Variants in SLC38A4 observed in about 807,000 individuals in gnomAD.
The protein encoded by SLC38A4 is solute carrier family 38 member 4.
In SLC38A4, 20 loss-of-function variants were observed where a neutral mutation model predicts 63.1. The ratio of observed to expected loss-of-function variants is 0.32; its 90% CI spans 0.22 to 0.46. SLC38A4 has a LOEUF of 0.46. Among genes scored for constraint, SLC38A4 ranks in the 20% least tolerant of loss-of-function variants. The probability of loss-of-function intolerance (pLI) is 1.00; values close to 1 mark genes in which losing one functional copy is unlikely to be tolerated. For synonymous variants in SLC38A4, 230 were observed against 225.5 expected, an observed-to-expected ratio of 1.02 and a Z score of -0.18; for missense variants, 526 against 663.6, an observed-to-expected ratio of 0.79 and a Z score of 2.28.
intron 2 of SLC38A4, among the ~76,000 whole-genome samples, chr12:46,794,410 C>T (rs572037880): frequency 2.6e-5 from 4 of 152,010 alleles, no homozygotes; most frequent in African/African-American, 7.2e-5. Flanking sequence ...GGGACTTTTA[C>T]ATTAAATTAA....
chr12:46,793,013 C>A lies in SLC38A4; in HGVS notation c.59G>T (p.Gly20Val). Reference protein sequence around the residue: ...NIEPDDESSSGESAPDSYIGI... With the variant: ...NIEPDDESSSVESAPDSYIGI... ...GATGTAGCTATCTGGAGCACTTTCT[C>A]CACTGCTGCTCTCATCATCTGGTTC... is the stretch of plus-strand genomic sequence containing the variant. Residue 20 changes from glycine (G) to valine (V), a missense_variant, in exon 3 of 17, where the codon GGA becomes GTA. Coordinates refer to ENST00000266579, the MANE Select transcript of SLC38A4 (RefSeq NM_018018.5). 6.2e-7 allele frequency: 1 copy of A among 1,613,396 alleles called. No homozygotes were observed. The highest frequency in any genetic ancestry group is 8.5e-7 in the Non-Finnish European group (1 of 1,179,516).
At position 46,804,862 on chromosome 12, in the gene SLC38A4, C is replaced by T. The variant is rs376621636; in HGVS notation, c.-304-1068G>A. 1.1e-4 allele frequency among the ~76,000 whole-genome samples: 17 copies of T among 151,876 alleles called. No homozygotes were observed. The East Asian group carries it at 1.5e-3, about 14-fold the overall frequency. The stretch of plus-strand genomic sequence containing the variant: ...ATAATAACAAATGTACTAATTTTAA[C>T]GGTAGGGAAATCTCAAAAAAATTCC... On this transcript the variant is annotated intron_variant, in intron 1 of 16. Transcript: ENST00000266579.
chr12:46,767,263 T>C (rs996965188), intron 16 of SLC38A4, among the ~76,000 whole-genome samples: 10 of 151,930 alleles, frequency 6.6e-5, no homozygotes, highest in African/African-American at 2.4e-4. Flanking sequence ...TGTGCATACA[T>C]ATAATATACA....
In SLC38A4 at chr12:46,781,491, CA is replaced by C. The variant is rs1231329479; in HGVS notation, c.494-1462del. Among the ~76,000 whole-genome samples the C allele has an allele frequency of 2.6e-5, 4 of 152,104 alleles. No homozygotes were observed. In the South Asian group the frequency reaches 8.3e-4, roughly 32 times the overall value. On this transcript the variant is annotated intron_variant, in intron 7 of 16. Transcript: ENST00000266579. ...TTAACATGTTTGGTCTTCAAAAATT[CA>C]GAATGATCCAGACATTAATCTGTTA...
intron 3 of SLC38A4, among the ~76,000 whole-genome samples, chr12:46,791,031 C>T (rs1414979545): frequency 1.3e-5 from 2 of 152,126 alleles, no homozygotes; most frequent in Non-Finnish European, 2.9e-5. Flanking sequence ...CATTCATGCT[C>T]TTTCTACTCT....
At position 46,788,630 on chromosome 12, in the gene SLC38A4, C is replaced by A. The variant is rs772010815; in HGVS notation, c.120-12G>T. 5.0e-6 allele frequency: 8 copies of A among 1,603,220 alleles called. No individual in the cohort carries two copies. In the Admixed American group the frequency reaches 6.7e-5, roughly 13 times the overall value. ...CATTAGCAAATTGACTGAACACACA[C>A]ACACACAAATAAGAAAGTGAAAACA... On this transcript the variant is annotated splice_polypyrimidine_tract_variant and intron_variant, in intron 3 of 16. Transcript: ENST00000266579.
intron 1 of SLC38A4, among the ~76,000 whole-genome samples, chr12:46,804,323 T>TA (rs201866743): frequency 5.4e-4 from 81 of 149,206 alleles, no homozygotes; most frequent in Non-Finnish European, 7.6e-4. Flanking sequence ...TTTTCTGCAT[T>TA]AAAAAAAAAA....
rs3794308 is a variant in SLC38A4 at position 46,781,499 on chromosome 12, T to C, written c.494-1469A>G. On this transcript the variant is annotated intron_variant, in intron 7 of 16. Transcript: ENST00000266579. ...TTTGGTCTTCAAAAATTCAGAATGATCCAGACATTAATCTGTTAATGTGAA... is the reference window on the plus strand; with the variant it reads ...TTTGGTCTTCAAAAATTCAGAATGACCCAGACATTAATCTGTTAATGTGAA... Among the ~76,000 whole-genome samples the C allele has an allele frequency of 0.011, 1,745 of 152,162 alleles. 48 individuals are homozygous for C. The East Asian group carries it at 0.13, about 11-fold the overall frequency.
intron 13 of SLC38A4, 69 bp downstream of exon 13, chr12:46,776,835 T>C: frequency 4.4e-6 from 6 of 1,365,954 alleles, no homozygotes; most frequent in Non-Finnish European, 6.3e-6. Flanking sequence ...TTAAAAATCA[T>C]ACCTACCCAG....
chr12:46,775,758 T>C (rs1206278952), intron 13 of SLC38A4, among the ~76,000 whole-genome samples: 1 of 152,010 alleles, frequency 6.6e-6, no homozygotes, highest in African/African-American at 2.4e-5. Flanking sequence ...TTAGTATAAT[T>C]TTTAGATGGT....
intron 2 of SLC38A4, among the ~76,000 whole-genome samples, chr12:46,801,384 G>A (rs1255039325): frequency 6.6e-6 from 1 of 152,018 alleles, no homozygotes; most frequent in Non-Finnish European, 1.5e-5. Context: ...CATCAAGTCT[G>A]GAAAGCAAAA....
chr12:46,822,697 G>T (rs1256012323), intron 1 of SLC38A4, among the ~76,000 whole-genome samples: 2 of 152,162 alleles, frequency 1.3e-5, no homozygotes, highest in African/African-American at 4.8e-5. Flanking sequence ...AGAGACAGAA[G>T]AGTGGATTCC....
intron 1 of SLC38A4, among the ~76,000 whole-genome samples, chr12:46,816,577 C>A (rs942081129): frequency 2.0e-5 from 3 of 151,818 alleles, no homozygotes; most frequent in Middle Eastern, 3.2e-3. Context: ...GCTGATTAGG[C>A]CTTCTTTCGG....
Position 46,779,976 on chromosome 12 carries a change from G to A in SLC38A4, c.548C>T (p.Ala183Val), listed in dbSNP as rs1181260288. 1 of 1,612,428 alleles carries A rather than the reference G, an allele frequency of 6.2e-7. No individual in the cohort carries two copies. The change falls in exon 8 of 17, where the codon GCA becomes GTA. Residue 183 changes from alanine (A) to valine (V), a missense_variant. Coordinates refer to ENST00000266579, the MANE Select transcript of SLC38A4 (RefSeq NM_018018.5). ...AGTATTTTCTTCAAGTCCCATGAAT[G>A]CTCTGATTACTTCAGGTAGTTCATA... is the stretch of plus-strand genomic sequence containing the variant. ...IKYELPEVIRAFMGLEENTGE... is the reference protein window; with the variant it reads ...IKYELPEVIRVFMGLEENTGE...
In SLC38A4 at chr12:46,775,133, C is replaced by A; in HGVS notation, c.1215G>T (p.Val405=). ...TGAGAAGAGGGATGTCTAATGTATA[C>A]ACTTTGCTGTAGGCATGAAGTAATT... ...EDELLHAYSK[V]YTLDIPLLMV... is the part of the protein sequence containing the mutation. The change falls in exon 14 of 17, where the codon GTG becomes GTT. Residue 405 remains valine, a synonymous_variant. Coordinates refer to ENST00000266579, the MANE Select transcript of SLC38A4 (RefSeq NM_018018.5). 1 of 1,612,570 alleles carries A rather than the reference C, an allele frequency of 6.2e-7. No homozygotes were observed. The highest frequency in any genetic ancestry group is 8.5e-7 in the Non-Finnish European group (1 of 1,179,040).
chr12:46,804,805 G>T (rs7138295), intron 1 of SLC38A4, among the ~76,000 whole-genome samples: 7,308 of 151,868 alleles, frequency 0.048, 596 homozygotes, highest in African/African-American at 0.17. Context: ...TCTTTTATCA[G>T]ACGAGAAGTA....
At chr12:46,770,387 G>A (rs1001807195) in intron 14 of SLC38A4, among the ~76,000 whole-genome samples, 2 of 151,896 alleles carry the variant, frequency 1.3e-5, no homozygotes, top group Admixed American at 6.6e-5. Flanking sequence ...TCAATAGATT[G>A]TAAATCTATG....
chr12:46,794,613 T>C (rs949519397), intron 2 of SLC38A4, among the ~76,000 whole-genome samples: 4 of 151,074 alleles, frequency 2.6e-5, no homozygotes, highest in Non-Finnish European at 4.4e-5. Context: ...ACTTATAAAA[T>C]TGAAAGACAG....
chr12:46,828,648 T>C (rs1355888342), upstream of SLC38A4, among the ~76,000 whole-genome samples: 2 of 152,216 alleles, frequency 1.3e-5, no homozygotes, highest in Admixed American at 6.5e-5. Context: ...AATCATGCTG[T>C]ATTGCAAATG....
Sources: allele counts gnomAD v4.1 joint callset (sites outside exome capture counted in the v4.1 genomes callset), GRCh38; gene constraint gnomAD v4.1.1; transcripts MANE v1.5; gene names NCBI Gene and HGNC (gene_info 2026-07-23, HGNC 2026-07-21).